TP53BP1: variants seen among roughly 807,000 people sequenced by gnomAD.
TP53BP1 encodes tumor protein p53 binding protein 1.
TP53BP1 carries 61 observed loss-of-function variants against 200.8 expected under a neutral mutation model. The ratio of observed to expected loss-of-function variants is 0.30; its 90% CI spans 0.25 to 0.38. The LOEUF (loss-of-function observed/expected upper bound fraction) is 0.38. Among genes scored for constraint, TP53BP1 ranks in the 10% least tolerant of loss-of-function variants. The pLI, the probability that TP53BP1 is intolerant of heterozygous loss-of-function variation, is 1.00. For missense variants in TP53BP1, 2,144 were observed against 2,371.9 expected, an observed-to-expected ratio of 0.90 and a Z score of 2.00; for synonymous variants, 822 against 844.3, an observed-to-expected ratio of 0.97 and a Z score of 0.46.
At position 43,456,312 on chromosome 15, in the gene TP53BP1, CATCTACA is replaced by C; in HGVS notation, c.2289_2295del (p.Ile763MetfsTer2). 6.2e-7 allele frequency: 1 copy of C among 1,614,136 alleles called. No homozygotes were observed. Among genetic ancestry groups the C allele is most frequent in the Non-Finnish European group, 8.5e-7 (1 of 1,180,046 alleles). ...TCAACTCTGGGAGATGGCTCTTTCA[CATCTACA>C]ATGACAACACTGGAGTCCTCTGAAG... On this transcript the variant is annotated frameshift_variant, in exon 12 of 28. Coordinates refer to ENST00000382044, the MANE Select transcript of TP53BP1 (RefSeq NM_001141980.3). LOFTEE classifies it high-confidence loss of function.
intron 11 of TP53BP1, among the ~76,000 whole-genome samples, chr15:43,466,994 G>A (rs2046598643): frequency 6.6e-6 from 1 of 152,100 alleles, no homozygotes; most frequent in Non-Finnish European, 1.5e-5. Context: ...CTTATTTTTG[G>A]GGTTTTACAC....
chr15:43,440,953 T>G (rs1319832916), intron 15 of TP53BP1, among the ~76,000 whole-genome samples: 3 of 152,178 alleles, frequency 2.0e-5, no homozygotes, highest in Non-Finnish European at 4.4e-5. Context: ...TATTAGCGTT[T>G]TCAGGCTGGA....
intron 11 of TP53BP1, among the ~76,000 whole-genome samples, chr15:43,462,510 C>T (rs1238426081): frequency 6.6e-6 from 1 of 151,742 alleles, no homozygotes; most frequent in African/African-American, 2.4e-5. Flanking sequence ...GAGACGGGGG[C>T]CTCACTATGT....
chr15:43,480,093 G>A, intron 5 of TP53BP1, 76 bp from the exon 6 acceptor site: 1 of 1,402,066 alleles, frequency 7.1e-7, no homozygotes, highest in Non-Finnish European at 9.9e-7. Context: ...CCTCAGCAAA[G>A]GAGGGTCCCG....
intron 10 of TP53BP1, among the ~76,000 whole-genome samples, chr15:43,473,637 TAC>T (rs1306524242): frequency 6.6e-6 from 1 of 151,600 alleles, no homozygotes; most frequent in Non-Finnish European, 1.5e-5. Context: ...AGCAGCCAGA[TAC>T]AGAGTGTGGA....
rs1417403087 is a variant in TP53BP1, at chr15:43,441,511, T to C, written c.3098+15A>G. 1.1e-5 allele frequency: 17 copies of C among 1,592,066 alleles called. No individual in the cohort carries two copies. Among genetic ancestry groups the C allele is most frequent in the Non-Finnish European group, 1.2e-5 (14 of 1,160,132 alleles). ...GCTGTGTATTAAACTCTAAATAGCA[T>C]CCAGCTTTGGTTACCTGGCAACAGA... On this transcript the variant is annotated intron_variant, in intron 15 of 27. Coordinates refer to ENST00000382044, the MANE Select transcript of TP53BP1 (RefSeq NM_001141980.3).
At chr15:43,475,134 C>T (rs1396549185) in intron 9 of TP53BP1, among the ~76,000 whole-genome samples, 1 of 152,050 alleles carries the variant, frequency 6.6e-6, no homozygotes, top group East Asian at 1.9e-4. Context: ...AATAGTCAGA[C>T]CATGAACATT....
At chr15:43,460,203 T>C (rs1052006680) in intron 11 of TP53BP1, among the ~76,000 whole-genome samples, 1 of 152,222 alleles carries the variant, frequency 6.6e-6, no homozygotes, top group Non-Finnish European at 1.5e-5. Context: ...TTTTGCCTAA[T>C]GTAAATGATG....
intron 11 of TP53BP1, among the ~76,000 whole-genome samples, chr15:43,463,064 A>C (rs1041225836): frequency 4.6e-5 from 7 of 152,208 alleles, no homozygotes; most frequent in African/African-American, 1.2e-4. Flanking sequence ...CTCAAAAAAA[A>C]CACAAAAACA....
At chr15:43,505,034 T>A (rs1303002369) in intron 1 of TP53BP1, among the ~76,000 whole-genome samples, 1 of 151,752 alleles carries the variant, frequency 6.6e-6, no homozygotes, top group Non-Finnish European at 1.5e-5. Context: ...AATAAATAAA[T>A]AAAATTTTAA....
chr15:43,419,154 A>G (rs1426235557), intron 21 of TP53BP1, among the ~76,000 whole-genome samples: 2 of 152,212 alleles, frequency 1.3e-5, no homozygotes, highest in African/African-American at 4.8e-5. Flanking sequence ...CGGAAGCTAG[A>G]GGTTGCAGTG....
Position 43,406,780 on chromosome 15 carries a change from C to G in TP53BP1, c.*603G>C. The G allele has an allele frequency of 2.8e-6, 1 of 360,484 alleles. No individual in the cohort carries two copies. Among genetic ancestry groups the G allele is most frequent in the South Asian group, 2.2e-5 (1 of 44,756 alleles). 22.3% of individuals were successfully genotyped at this position (360,484 alleles called of 1,614,324 possible). On this transcript the variant is annotated 3_prime_UTR_variant, in exon 28 of 28. Transcript: ENST00000382044. ...TCTCACTTGTGCTTCCCATGTTTAT[C>G]TTACGGAAGGTCATTCCATCAAGCT...
intron 24 of TP53BP1, among the ~76,000 whole-genome samples, chr15:43,412,101 C>T (rs944373020): frequency 6.6e-6 from 1 of 152,130 alleles, no homozygotes; most frequent in Non-Finnish European, 1.5e-5. Flanking sequence ...CCTTGAAATC[C>T]CACCACACCA....
intron 1 of TP53BP1, among the ~76,000 whole-genome samples, chr15:43,509,705 G>A (rs944534539): frequency 6.6e-6 from 1 of 152,156 alleles, no homozygotes; most frequent in East Asian, 1.9e-4. Context: ...CACTGTGCCC[G>A]GCCGCTGTGA....
intron 19 of TP53BP1, 38 bp downstream of exon 19, chr15:43,421,817 C>T (rs1330125511): frequency 6.2e-7 from 1 of 1,610,666 alleles, no homozygotes; most frequent in Admixed American, 1.7e-5. Flanking sequence ...AACCCTGCCC[C>T]TGCTGTGGCT....
chr15:43,482,968 T>G (rs1183758039), intron 4 of TP53BP1, among the ~76,000 whole-genome samples: 1 of 152,026 alleles, frequency 6.6e-6, no homozygotes, highest in Non-Finnish European at 1.5e-5. Context: ...ATACAAAATG[T>G]GAACCTGAAT....
At chr15:43,465,487 A>G (rs1253664107) in intron 11 of TP53BP1, among the ~76,000 whole-genome samples, 1 of 152,118 alleles carries the variant, frequency 6.6e-6, no homozygotes, top group Non-Finnish European at 1.5e-5. Flanking sequence ...TAGGAGGCAA[A>G]ATAAAATTAG....
chr15:43,438,241 C>T, intron 16 of TP53BP1, 83 bp downstream of exon 16: 2 of 1,210,652 alleles, frequency 1.7e-6, no homozygotes, highest in South Asian at 1.4e-5. Flanking sequence ...ATTCAAACCA[C>T]AGCACAGTAC....
intron 11 of TP53BP1, among the ~76,000 whole-genome samples, chr15:43,467,060 C>CTT (rs71307480): frequency 2.7e-4 from 40 of 145,998 alleles, no homozygotes; most frequent in African/African-American, 5.5e-4. Context: ...TAAAGGTATT[C>CTT]TTTTTTTTTT....
Sources: allele counts gnomAD v4.1 joint callset (sites outside exome capture counted in the v4.1 genomes callset), GRCh38; gene constraint gnomAD v4.1.1; transcripts MANE v1.5; gene names NCBI Gene and HGNC (gene_info 2026-07-23, HGNC 2026-07-21).